The following KIAA1217 variants were observed in gnomAD, a reference collection of about 807,000 sequenced individuals.
KIAA1217 encodes sickle tail protein homolog.
Under a neutral mutation model 163.9 loss-of-function variants are expected in KIAA1217, and 88 were observed. The observed-to-expected ratio is 0.54, with a 90% CI of 0.45 to 0.64. The LOEUF is 0.64. Among genes scored for constraint, KIAA1217 ranks in the 30% least tolerant of loss-of-function variants. The pLI, the probability that KIAA1217 is intolerant of heterozygous loss-of-function variation, is 0.00. For missense variants in KIAA1217, 2,372 were observed against 2,475.0 expected, an observed-to-expected ratio of 0.96 and a Z score of 0.88; for synonymous variants, 903 against 923.1, an observed-to-expected ratio of 0.98 and a Z score of 0.39.
At chr10:23,878,012 A>C (rs1840773710) in intron 1 of KIAA1217, among the ~76,000 whole-genome samples, 1 of 151,882 alleles carries the variant, frequency 6.6e-6, no homozygotes, top group Admixed American at 6.6e-5. Flanking sequence ...CAGTGCAGAG[A>C]AGTTACCAGG....
In KIAA1217 at chr10:24,404,566, CAAAAAAAAAAAAA is replaced by C. The variant is rs57209065; in HGVS notation, c.553+23514_553+23526del. On this transcript the variant is annotated intron_variant, in intron 3 of 20. Coordinates refer to ENST00000376454, the MANE Select transcript of KIAA1217 (RefSeq NM_019590.5). The stretch of plus-strand genomic sequence containing the variant: ...TGGGCAACAGAATGAGACTCTGTCT[CAAAAAAAAAAAAA>C]AAAAAAAAAAAAAACTGAAAATGGA... Among the ~76,000 whole-genome samples the C allele has an allele frequency of 7.8e-3, 397 of 51,204 alleles. 8 individuals carry two copies. The East Asian group carries it at 0.15, about 20-fold the overall frequency. 33.6% of individuals were successfully genotyped at this position (51,204 alleles called of 152,430 possible). A position where few individuals can be genotyped will look rare whatever the true frequency, so the allele number is the denominator to read the frequency against.
At chr10:24,330,054 C>T (rs1245291698) in intron 2 of KIAA1217, among the ~76,000 whole-genome samples, 2 of 151,958 alleles carry the variant, frequency 1.3e-5, no homozygotes, top group Non-Finnish European at 2.9e-5. Flanking sequence ...AATCCCAGCA[C>T]TTTGGGAGGC....
At chr10:24,188,963 G>A (rs535261590) in intron 2 of KIAA1217, among the ~76,000 whole-genome samples, 173 of 151,972 alleles carry the variant, frequency 1.1e-3, no homozygotes, top group Middle Eastern at 3.4e-3. Flanking sequence ...AAAATTAGCC[G>A]GGCGTGGTGG....
chr10:24,116,325 A>G (rs1156337507), intron 2 of KIAA1217, among the ~76,000 whole-genome samples: 1 of 152,126 alleles, frequency 6.6e-6, no homozygotes, highest in Admixed American at 6.5e-5. Context: ...ACCCTCTATC[A>G]TACAGAGGAG....
At chr10:24,140,005 A>AC (rs1345768354) in intron 2 of KIAA1217, among the ~76,000 whole-genome samples, 1 of 151,574 alleles carries the variant, frequency 6.6e-6, no homozygotes, top group Non-Finnish European at 1.5e-5. Context: ...ACCTCAGCAT[A>AC]CTTTTTTTTT....
At chr10:24,189,466 ATCT>A (rs1308465882) in intron 2 of KIAA1217, among the ~76,000 whole-genome samples, 2 of 152,144 alleles carry the variant, frequency 1.3e-5, no homozygotes, top group Non-Finnish European at 2.9e-5. Flanking sequence ...TCTATCCCTT[ATCT>A]TCCCCCCAAA....
chr10:24,415,836 C>G (rs1310290211), intron 3 of KIAA1217, among the ~76,000 whole-genome samples: 1 of 152,216 alleles, frequency 6.6e-6, no homozygotes, highest in Non-Finnish European at 1.5e-5. Flanking sequence ...AGTTCTCCCA[C>G]AGGGGCAGGG....
At chr10:24,234,874 C>T (rs780493836) in intron 2 of KIAA1217, among the ~76,000 whole-genome samples, 12 of 151,998 alleles carry the variant, frequency 7.9e-5, no homozygotes, top group Non-Finnish European at 1.5e-4. Flanking sequence ...TATTTAAATG[C>T]GAAACAATGG....
intron 1 of KIAA1217, among the ~76,000 whole-genome samples, chr10:23,916,654 G>T (rs999352386): frequency 2.0e-5 from 3 of 152,152 alleles, no homozygotes; most frequent in Non-Finnish European, 4.4e-5. Flanking sequence ...GCCTACATAT[G>T]CTAGCACCCA....
At chr10:24,026,742 A>ATTTTTTTTTTTTTTTTTTTTTCTTTT in intron 2 of KIAA1217, among the ~76,000 whole-genome samples, 6 of 70,096 alleles carry the variant, frequency 8.6e-5, no homozygotes, top group Admixed American at 1.5e-4. Context: ...TATTTCATTG[A>ATTTTTTTTTTTTTTTTTTTTTCTTTT]TTTTTTTTTT....
intron 6 of KIAA1217, among the ~76,000 whole-genome samples, chr10:24,493,937 G>A (rs1426393291): frequency 1.3e-5 from 2 of 152,130 alleles, no homozygotes; most frequent in Non-Finnish European, 2.9e-5. Flanking sequence ...TGGGATTACA[G>A]GTGTGAGCCA....
At chr10:24,520,073 C>G in intron 10 of KIAA1217, 50 bp from the exon 11 acceptor site, 1 of 1,565,760 alleles carries the variant, frequency 6.4e-7, no homozygotes, top group Non-Finnish European at 8.7e-7. Context: ...TCCTCTTCCT[C>G]TGTGAGGCCT....
intron 1 of KIAA1217, among the ~76,000 whole-genome samples, chr10:23,870,265 G>A (rs966279824): frequency 6.6e-6 from 1 of 152,086 alleles, no homozygotes; most frequent in Non-Finnish European, 1.5e-5. Context: ...ATCCAGAGGT[G>A]GAAATGTGTC....
At position 24,544,153 on chromosome 10, in the gene KIAA1217, C is replaced by G. The variant is rs768061874; in HGVS notation, c.4883C>G (p.Ser1628Cys). ...GCCAAGCGCTTCGAAATCGCTAGGTCTCAACCTGAAGACACCCCTGAAAAC... is the reference window on the plus strand; with the variant it reads ...GCCAAGCGCTTCGAAATCGCTAGGTGTCAACCTGAAGACACCCCTGAAAAC... ...KEAKRFEIAR[S>C]QPEDTPENTV... is the part of the protein sequence containing the mutation. The change falls in exon 19 of 21, where the codon TCT (serine) becomes TGT (cysteine). Residue 1628 changes from serine (S) to cysteine (C), a missense_variant. By Grantham distance (112) the Ser-to-Cys change is moderately radical (BLOSUM62 -1). Around this residue, in one of 3 missense-constraint regions of KIAA1217, gnomAD observed 690 missense variants for 677.5 expected, o/e 1.02. Transcript: ENST00000376454. 10 of 1,613,984 alleles carry G rather than the reference C, an allele frequency of 6.2e-6. No individual in the cohort carries two copies. The South Asian group carries it at 7.7e-5, about 12-fold the overall frequency.
At chr10:23,805,996 CAAAAAAAAAAAAAAAAA>C (rs71397917) in intron 1 of KIAA1217, among the ~76,000 whole-genome samples, 2 of 30,512 alleles carry the variant, frequency 6.6e-5, no homozygotes, top group African/African-American at 1.4e-4. Flanking sequence ...AACTCCATCT[CAAAAAAAAAAAAAAAAA>C]AAAAAAAAAA....
chr10:24,321,215 C>T (rs546236309), intron 2 of KIAA1217, among the ~76,000 whole-genome samples: 5 of 152,110 alleles, frequency 3.3e-5, no homozygotes, highest in South Asian at 2.1e-4. Context: ...TGTACATCCA[C>T]GTTCATAGCA....
intron 2 of KIAA1217, among the ~76,000 whole-genome samples, chr10:24,370,294 C>T (rs1446961050): frequency 6.9e-6 from 1 of 145,334 alleles, no homozygotes; most frequent in Non-Finnish European, 1.5e-5. Flanking sequence ...AAGACATCTA[C>T]CCTAAGGTAG....
At chr10:23,795,195 G>A (rs928044372) in intron 1 of KIAA1217, among the ~76,000 whole-genome samples, 3 of 152,146 alleles carry the variant, frequency 2.0e-5, no homozygotes, top group Admixed American at 2.0e-4. Flanking sequence ...CTCAAGAAAG[G>A]ACCTCCTTTG....
chr10:23,871,937 C>G (rs1202621674), intron 1 of KIAA1217, among the ~76,000 whole-genome samples: 2 of 152,080 alleles, frequency 1.3e-5, no homozygotes, highest in Non-Finnish European at 2.9e-5. Flanking sequence ...CCAATGAGTC[C>G]TGAATCGTGT....
Sources: allele counts gnomAD v4.1 joint callset (sites outside exome capture counted in the v4.1 genomes callset), GRCh38; gene constraint gnomAD v4.1.1; regional missense constraint gnomAD v4.1.1; transcripts MANE v1.5; gene names NCBI Gene and HGNC (gene_info 2026-07-23, HGNC 2026-07-21).